SLAMF1: variants seen among roughly 807,000 people sequenced by gnomAD.
The protein encoded by SLAMF1 is signaling lymphocytic activation molecule family member 1.
SLAMF1 carries 18 observed loss-of-function variants against 35.1 expected under a neutral mutation model. The observed-to-expected ratio is 0.51, with a 90% confidence interval of 0.35 to 0.76. The LOEUF is 0.76. Among genes scored for constraint, SLAMF1 ranks in the 30% least tolerant of loss-of-function variants. The pLI, the probability that SLAMF1 is intolerant of heterozygous loss-of-function variation, is 0.01. For missense variants in SLAMF1, 392 were observed against 413.0 expected (o/e 0.95, Z 0.44); for synonymous variants, 168 against 157.2 (o/e 1.07, Z -0.51).
chr1:160,640,157 G>C (rs1660662795), intron 1 of SLAMF1, among the ~76,000 whole-genome samples: 1 of 151,648 alleles, frequency 6.6e-6, no homozygotes, highest in African/African-American at 2.4e-5. Flanking sequence ...GAATGCAAAA[G>C]CCTCAAGAGG....
intron 6 of SLAMF1, among the ~76,000 whole-genome samples, chr1:160,611,481 C>T (rs1029130023): frequency 1.3e-5 from 2 of 152,122 alleles, no homozygotes; most frequent in Admixed American, 6.5e-5. Flanking sequence ...ATATAGGGCA[C>T]CTGCCCAGGC....
At chr1:160,629,351 AT>A (rs199932307) in intron 3 of SLAMF1, among the ~76,000 whole-genome samples, 12 of 151,682 alleles carry the variant, frequency 7.9e-5, no homozygotes, top group Non-Finnish European at 1.0e-4. Context: ...TATTATTAAT[AT>A]TTTTTTTAGG....
intron 1 of SLAMF1, among the ~76,000 whole-genome samples, chr1:160,643,544 T>C (rs1156893950): frequency 2.0e-5 from 3 of 152,218 alleles, no homozygotes. Flanking sequence ...TCAGAGCTAG[T>C]ACTCTTCACC....
chr1:160,610,655 C>A lies in SLAMF1; in HGVS notation c.*93G>T. On this transcript the variant is annotated 3_prime_UTR_variant, in exon 7 of 7. Transcript: ENST00000302035. Reference sequence around the variant, plus strand: ...AGAAGGGTACAGACGTGCAGCATGTCTGCCAGAGGAAACTTGGGGCCTGTG... The same window carrying A: ...AGAAGGGTACAGACGTGCAGCATGTATGCCAGAGGAAACTTGGGGCCTGTG... 1.2e-6 allele frequency: 1 copy of A among 846,928 alleles called. No individual in the cohort carries two copies. The highest frequency in any genetic ancestry group is 2.1e-6 in the Non-Finnish European group (1 of 487,734). 52.5% of individuals were successfully genotyped at this position (846,928 alleles called of 1,614,324 possible). A position where few individuals can be genotyped will look rare whatever the true frequency, so the allele number is the denominator to read the frequency against.
chr1:160,637,586 G>C, intron 1 of SLAMF1, 57 bp from the exon 2 acceptor site: 2 of 1,272,508 alleles, frequency 1.6e-6, no homozygotes, highest in Non-Finnish European at 2.2e-6. Flanking sequence ...ACAACATCGT[G>C]TCAGCAGATC....
intron 1 of SLAMF1, among the ~76,000 whole-genome samples, chr1:160,645,844 G>A (rs1661015011): frequency 6.6e-6 from 1 of 152,064 alleles, no homozygotes; most frequent in South Asian, 2.1e-4. Flanking sequence ...CACATCCCTG[G>A]CATATCACGG....
chr1:160,610,617 G>C lies in SLAMF1; in HGVS notation c.*131C>G, dbSNP rs1658928981. 1.4e-6 allele frequency: 1 copy of C among 691,818 alleles called. No individual in the cohort carries two copies. The highest frequency in any genetic ancestry group is 1.8e-5 in the African/African-American group (1 of 56,162). The allele number at this position is 691,818 out of a possible 1,614,324, so 42.9% of individuals were successfully genotyped here. A position where few individuals can be genotyped will look rare whatever the true frequency, so the allele number is the denominator to read the frequency against. On this transcript the variant is annotated 3_prime_UTR_variant, in exon 7 of 7. Coordinates refer to ENST00000302035, the MANE Select transcript of SLAMF1 (RefSeq NM_003037.5). ...GATGTATGTGGAAGAAACATCACCA[G>C]GGAGTTGATCTGAGAAGGGTACAGA...
At chr1:160,637,588 C>G in intron 1 of SLAMF1, 59 bp from the exon 2 acceptor site, 1 of 1,251,654 alleles carries the variant, frequency 8.0e-7, no homozygotes, top group South Asian at 1.4e-5. Flanking sequence ...AACATCGTGT[C>G]AGCAGATCAG....
At chr1:160,615,642 G>T in intron 5 of SLAMF1, 2 of 199,376 alleles carry the variant, frequency 1.0e-5, no homozygotes, top group Non-Finnish European at 2.1e-5. Flanking sequence ...GGCCCCAAAA[G>T]ATATGTCCAG....
chr1:160,621,206 C>T (rs1222009512), intron 4 of SLAMF1, among the ~76,000 whole-genome samples: 1 of 152,170 alleles, frequency 6.6e-6, no homozygotes, highest in Non-Finnish European at 1.5e-5. Flanking sequence ...GCAATGGAGG[C>T]TGGACCCAGA....
intron 1 of SLAMF1, among the ~76,000 whole-genome samples, chr1:160,638,571 T>C (rs1329965901): frequency 1.3e-5 from 2 of 152,238 alleles, no homozygotes; most frequent in African/African-American, 4.8e-5. Flanking sequence ...CATCCCCAGA[T>C]ACCTCTCCAT....
chr1:160,609,028 T>C lies in SLAMF1; in HGVS notation c.*1720A>G, dbSNP rs2102244361. On this transcript the variant is annotated 3_prime_UTR_variant, in exon 7 of 7. Coordinates refer to ENST00000302035, the MANE Select transcript of SLAMF1 (RefSeq NM_003037.5). ...CAGACTTTGAATTATAAGCTAGAGA[T>C]GAAAGGATGAAGAAGGGACCCTGGA... is the stretch of plus-strand genomic sequence containing the variant. 1 of 152,176 alleles carries C rather than the reference T, an allele frequency of 6.6e-6. No individual in the cohort carries two copies. Among genetic ancestry groups the C allele is most frequent in the Middle Eastern group, 3.4e-3 (1 of 294 alleles). The allele number at this position is 152,176 out of a possible 1,614,324, so 9.4% of individuals were successfully genotyped here. A position where few individuals can be genotyped will look rare whatever the true frequency, so the allele number is the denominator to read the frequency against.
At chr1:160,621,341 A>G (rs1453212825) in intron 4 of SLAMF1, among the ~76,000 whole-genome samples, 1 of 152,104 alleles carries the variant, frequency 6.6e-6, no homozygotes, top group Non-Finnish European at 1.5e-5. Flanking sequence ...TGGGCAGATC[A>G]CGAGGTCAGG....
intron 5 of SLAMF1, among the ~76,000 whole-genome samples, chr1:160,617,235 C>T (rs1659350898): frequency 6.6e-6 from 1 of 152,104 alleles, no homozygotes; most frequent in Admixed American, 6.6e-5. Context: ...GATACGCCCA[C>T]TTTGAAAAAC....
At chr1:160,634,977 G>T (rs1341503813) in intron 2 of SLAMF1, 80 bp from the exon 3 acceptor site, 3 of 1,292,476 alleles carry the variant, frequency 2.3e-6, no homozygotes, top group East Asian at 4.7e-5. Context: ...TTAGAACAAA[G>T]TACAGCCTAA....
intron 5 of SLAMF1, among the ~76,000 whole-genome samples, chr1:160,616,415 C>G (rs577414373): frequency 7.5e-5 from 11 of 146,696 alleles, no homozygotes; most frequent in Non-Finnish European, 1.6e-4. Flanking sequence ...AAGAGAATTA[C>G]AGGCCAATTT....
At chr1:160,628,722 C>T (rs1002821447) in intron 3 of SLAMF1, among the ~76,000 whole-genome samples, 6 of 152,170 alleles carry the variant, frequency 3.9e-5, no homozygotes, top group Admixed American at 3.3e-4. Context: ...AAGACTGTCA[C>T]GTAGCTTTCT....
chr1:160,630,682 G>T (rs533340860), intron 3 of SLAMF1, among the ~76,000 whole-genome samples: 40 of 152,140 alleles, frequency 2.6e-4, no homozygotes, highest in African/African-American at 8.2e-4. Flanking sequence ...TGGCCCCCAG[G>T]AACTGGTTTC....
At chr1:160,645,640 C>A (rs1409653018) in intron 1 of SLAMF1, among the ~76,000 whole-genome samples, 2 of 152,196 alleles carry the variant, frequency 1.3e-5, no homozygotes, top group Non-Finnish European at 2.9e-5. Flanking sequence ...TTGGTTGCAA[C>A]AACGGAGGCT....
Sources: gnomAD v4.1 joint callset for allele counts (sites outside exome capture counted in the v4.1 genomes callset) on GRCh38, gnomAD v4.1.1 for gene constraint, MANE v1.5 for transcripts, NCBI Gene and HGNC (gene_info 2026-07-23, HGNC 2026-07-21) for gene names.